The following GTF3C2 variants were observed in gnomAD, a reference collection of about 807,000 sequenced individuals.
The protein encoded by GTF3C2 is general transcription factor IIIC subunit 2.
A neutral mutation model predicts 117.4 loss-of-function variants in GTF3C2; 17 were observed. That is an observed-to-expected ratio of 0.14 (90% CI 0.10 to 0.22). GTF3C2 has a LOEUF of 0.22. Ranked by LOEUF, GTF3C2 falls within the 10% of genes least tolerant of loss-of-function variation. The pLI, the probability that GTF3C2 is intolerant of heterozygous loss-of-function variation, is 1.00. For missense variants in GTF3C2, 888 were observed against 1,143.6 expected, an observed-to-expected ratio of 0.78 and a Z score of 3.22; for synonymous variants, 437 against 427.0, an observed-to-expected ratio of 1.02 and a Z score of -0.29.
At chr2:27,343,778 G>C in intron 1 of GTF3C2, 200 bp from the exon 2 acceptor site, 4 of 517,966 alleles carry the variant, frequency 7.7e-6, no homozygotes, top group South Asian at 2.2e-5. Flanking sequence ...AGGTGCGGTG[G>C]CTCACACCTG....
At chr2:27,334,310 A>ATCT (rs1052125584) in intron 10 of GTF3C2, among the ~76,000 whole-genome samples, 1 of 151,484 alleles carries the variant, frequency 6.6e-6, no homozygotes, top group African/African-American at 2.4e-5. Context: ...GAAAGTCCTT[A>ATCT]TCTTTTCATC....
chr2:27,333,456 A>G, intron 12 of GTF3C2, 199 bp downstream of exon 12: 1 of 511,242 alleles, frequency 2.0e-6, no homozygotes, highest in Non-Finnish European at 3.5e-6. Flanking sequence ...CGCCTGGCCC[A>G]GCATCTATGT....
At chr2:27,341,270 G>A (rs1179933805) in intron 4 of GTF3C2, among the ~76,000 whole-genome samples, 5 of 149,902 alleles carry the variant, frequency 3.3e-5, no homozygotes, top group Non-Finnish European at 7.4e-5. Flanking sequence ...TCCTGACCTC[G>A]GGTGATCCAC....
chr2:27,334,706 A>G (rs1680397909), intron 10 of GTF3C2, among the ~76,000 whole-genome samples: 1 of 151,278 alleles, frequency 6.6e-6, no homozygotes, highest in Admixed American at 6.6e-5. Context: ...GCAGTGGCAC[A>G]ATCTCAGTTC....
intron 1 of GTF3C2, among the ~76,000 whole-genome samples, chr2:27,351,889 A>T (rs913119737): frequency 6.6e-6 from 1 of 152,168 alleles, no homozygotes; most frequent in Non-Finnish European, 1.5e-5. Flanking sequence ...CATCTTGTAA[A>T]AATCTTGTTC....
chr2:27,335,821 C>G, intron 9 of GTF3C2, 96 bp downstream of exon 9: 2 of 1,069,852 alleles, frequency 1.9e-6, no homozygotes, highest in Non-Finnish European at 1.4e-6. Flanking sequence ...CCATCCACTA[C>G]ACTCCAACCT....
Position 27,329,075 on chromosome 2 carries a change from ACCCTTAGGGCCTGT to A in GTF3C2, c.2039+32_2039+45del. On this transcript the variant is annotated intron_variant, in intron 14 of 18. Transcript: ENST00000264720. This position sits in a 1 kb window ranked among gnomAD's most constrained non-coding sequence, Gnocchi z 4.5. ...ACAATCTGGCATGCTTTGCATTCCA[ACCCTTAGGGCCTGT>A]CCCTAGAGGTCCTATCTCCATCTTG... 6.2e-7 allele frequency: 1 copy of A among 1,602,682 alleles called. No individual in the cohort carries two copies. The highest frequency in any genetic ancestry group is 8.5e-7 in the Non-Finnish European group (1 of 1,170,196).
At chr2:27,334,461 T>G (rs1042289231) in intron 10 of GTF3C2, among the ~76,000 whole-genome samples, 1 of 152,056 alleles carries the variant, frequency 6.6e-6, no homozygotes, top group African/African-American at 2.4e-5. Flanking sequence ...AGAACACTGC[T>G]CATTCTGTTA....
chr2:27,356,442 G>A (rs749388151), intron 1 of GTF3C2: 10 of 249,310 alleles, frequency 4.0e-5, no homozygotes, highest in Non-Finnish European at 7.6e-5. Flanking sequence ...CCGAGTTCGA[G>A]GGACGCTACG....
At chr2:27,335,414 G>C (rs758966239) in intron 10 of GTF3C2, 184 bp downstream of exon 10, 12 of 711,266 alleles carry the variant, frequency 1.7e-5, no homozygotes, top group Admixed American at 1.0e-4. Flanking sequence ...GAGTACAGCT[G>C]TAAGACTGCA....
chr2:27,354,738 G>A (rs1296442996), intron 1 of GTF3C2, among the ~76,000 whole-genome samples: 1 of 152,190 alleles, frequency 6.6e-6, no homozygotes, highest in Non-Finnish European at 1.5e-5. Flanking sequence ...TCCAGCCTGA[G>A]TGACAGAGGA....
chr2:27,329,424 GC>G lies in GTF3C2; in HGVS notation c.1831del (p.Ala611ProfsTer40). 6.2e-7 allele frequency: 1 copy of G among 1,614,070 alleles called. No homozygotes were observed. The highest frequency in any genetic ancestry group is 8.5e-7 in the Non-Finnish European group (1 of 1,179,970). ...AAGGGTACGCACAGCCTGGTCATGG[GC>G]TAGGAAACACTGGAAGGGGTAGAGC... On this transcript the variant is annotated frameshift_variant, in exon 13 of 19. Transcript: ENST00000264720. LOFTEE classifies it high-confidence loss of function. The surrounding 1 kb of genome is among the most constrained non-coding windows in gnomAD (Gnocchi z 4.5).
intron 16 of GTF3C2, 109 bp from the exon 17 acceptor site, chr2:27,328,298 T>A: frequency 2.0e-6 from 2 of 1,021,284 alleles, no homozygotes; most frequent in South Asian, 1.5e-5. Flanking sequence ...GTAGTATCTT[T>A]AAATATATGC....
At chr2:27,343,005 A>T (rs1281328445) in exon 3 of GTF3C2, 3 of 1,614,140 alleles carry the variant, frequency 1.9e-6, no homozygotes, top group Non-Finnish European at 2.5e-6. Context: ...GGTTGGATTG[A>T]TCTAAGAGAC....
chr2:27,332,767 G>A (rs1040921686), intron 12 of GTF3C2, among the ~76,000 whole-genome samples: 1 of 151,688 alleles, frequency 6.6e-6, no homozygotes, highest in African/African-American at 2.4e-5. Context: ...CCAGGCTGGA[G>A]TGCAGTGGCA....
chr2:27,356,192 CAG>C, intron 1 of GTF3C2: 1 of 846,432 alleles, frequency 1.2e-6, no homozygotes, highest in Non-Finnish European at 1.7e-6. Context: ...AAGGACTAGA[CAG>C]GGAAACACAA....
intron 12 of GTF3C2, among the ~76,000 whole-genome samples, chr2:27,331,538 G>C (rs571289889): frequency 6.6e-6 from 1 of 152,134 alleles, no homozygotes; most frequent in East Asian, 2.0e-4. Context: ...TGTTGGCCAG[G>C]ATGGTCTCGA....
At chr2:27,337,943 G>T in exon 5 of GTF3C2, 1 of 1,603,434 alleles carries the variant, frequency 6.2e-7, no homozygotes, top group South Asian at 1.1e-5. Context: ...TGGTGAGATG[G>T]AGGCACTTCC....
Position 27,342,587 on chromosome 2 carries a change from A to G in GTF3C2, c.569+239T>C, listed in dbSNP as rs1680773591. ...AGTAAAACAATAAAGAGCTGGGTAA[A>G]GTTTGTGAAAAATGGCATAGGACAT... On this transcript the variant is annotated intron_variant, in intron 3 of 18. Transcript: ENST00000264720. 8 of 563,064 alleles carry G rather than the reference A, an allele frequency of 1.4e-5. No homozygotes were observed. In the South Asian group the frequency reaches 1.9e-4, roughly 13 times the overall value. 34.9% of individuals were successfully genotyped at this position (563,064 alleles called of 1,614,324 possible).
Sources: allele counts gnomAD v4.1 joint callset (sites outside exome capture counted in the v4.1 genomes callset), GRCh38; gene constraint gnomAD v4.1.1; non-coding constraint Gnocchi (gnomAD v3.1); transcripts MANE v1.5; gene names NCBI Gene and HGNC (gene_info 2026-07-23, HGNC 2026-07-21).